RBKS: variants seen among roughly 807,000 people sequenced by gnomAD.
RBKS encodes ribokinase.
A neutral mutation model predicts 33.9 loss-of-function variants in RBKS; 33 were observed. The observed-to-expected ratio is 0.97, with a 90% confidence interval of 0.74 to 1.30. The LOEUF (loss-of-function observed/expected upper bound fraction) is 1.30. Among genes scored for constraint, RBKS ranks in the 50% most tolerant of loss-of-function variants. The probability of loss-of-function intolerance (pLI) is 0.00; values close to 1 mark genes in which losing one functional copy is unlikely to be tolerated. For missense variants in RBKS, 361 were observed against 392.6 expected, an observed-to-expected ratio of 0.92 and a Z score of 0.68; for synonymous variants, 125 against 143.0, an observed-to-expected ratio of 0.87 and a Z score of 0.90.
chr2:27,816,234 G>A (rs1184548718), intron 7 of RBKS, among the ~76,000 whole-genome samples: 2 of 152,218 alleles, frequency 1.3e-5, no homozygotes, highest in Non-Finnish European at 2.9e-5. Context: ...TTAAAATATT[G>A]AATTCTGCCT....
At chr2:27,884,338 C>G (rs1211094811) in intron 1 of RBKS, among the ~76,000 whole-genome samples, 3 of 152,172 alleles carry the variant, frequency 2.0e-5, no homozygotes, top group Non-Finnish European at 4.4e-5. Context: ...GCCTCAACCT[C>G]TGGGTCTCCA....
At chr2:27,801,981 TA>T (rs1677801293) in intron 7 of RBKS, among the ~76,000 whole-genome samples, 5 of 99,946 alleles carry the variant, frequency 5.0e-5, no homozygotes, top group African/African-American at 1.7e-4. Context: ...TATATATATA[TA>T]TATATATATA....
At chr2:27,786,061 G>A (rs1677392447) in intron 7 of RBKS, among the ~76,000 whole-genome samples, 1 of 152,158 alleles carries the variant, frequency 6.6e-6, no homozygotes, top group South Asian at 2.1e-4. Context: ...GTGAAAAAAT[G>A]AGGTTTCAGC....
chr2:27,871,092 A>T (rs1229701863), intron 1 of RBKS, among the ~76,000 whole-genome samples: 1 of 152,174 alleles, frequency 6.6e-6, no homozygotes, highest in African/African-American at 2.4e-5. Context: ...AAGATCTCCT[A>T]AAAGTTCAAG....
intron 5 of RBKS, among the ~76,000 whole-genome samples, chr2:27,838,476 T>C (rs545274695): frequency 6.6e-6 from 1 of 152,304 alleles, no homozygotes; most frequent in African/African-American, 2.4e-5. Flanking sequence ...AAATACTGTA[T>C]AAAAATCAAC....
rs1259812151 is a variant in RBKS, at chr2:27,890,116, G to T, written c.89+141C>A. ...TTCATGCCAGGAAGGTAGGCTGAAG[G>T]CTTCGAAAACCTGCAGCTCATACCC... On this transcript the variant is annotated intron_variant, in intron 1 of 7. Coordinates refer to ENST00000302188, the MANE Select transcript of RBKS (RefSeq NM_022128.3). This position sits in a 1 kb window ranked among gnomAD's most constrained non-coding sequence, Gnocchi z 4.8. 7.5e-6 allele frequency: 5 copies of T among 665,534 alleles called. No homozygotes were observed. The highest frequency in any genetic ancestry group is 1.0e-5 in the Non-Finnish European group (4 of 393,904). The allele number at this position is 665,534 out of a possible 1,614,324, so 41.2% of individuals were successfully genotyped here.
At chr2:27,830,227 C>T (rs930267286) in intron 6 of RBKS, among the ~76,000 whole-genome samples, 2 of 151,916 alleles carry the variant, frequency 1.3e-5, no homozygotes, top group Admixed American at 6.6e-5. Context: ...CATGAATTTA[C>T]ATTATTGCTG....
chr2:27,794,687 G>A (rs1677610744), intron 7 of RBKS, among the ~76,000 whole-genome samples: 1 of 148,682 alleles, frequency 6.7e-6, no homozygotes, highest in Non-Finnish European at 1.5e-5. Context: ...GCAATAGCAC[G>A]ATCTCGGCTC....
chr2:27,825,081 G>C (rs1161632982), intron 7 of RBKS, among the ~76,000 whole-genome samples: 1 of 151,696 alleles, frequency 6.6e-6, no homozygotes, highest in Non-Finnish European at 1.5e-5. Context: ...AGGTTGCAGT[G>C]AGCCAAGATG....
intron 2 of RBKS, among the ~76,000 whole-genome samples, chr2:27,854,760 T>G (rs1170906799): frequency 6.6e-6 from 1 of 151,918 alleles, no homozygotes; most frequent in South Asian, 2.1e-4. Context: ...CTTTTTTTTT[T>G]TTTTTAATAT....
chr2:27,827,011 T>G (rs1216610216), intron 7 of RBKS, among the ~76,000 whole-genome samples: 2 of 152,146 alleles, frequency 1.3e-5, no homozygotes, highest in African/African-American at 4.8e-5. Context: ...AAAAAAAGAT[T>G]AAATGAGATG....
At chr2:27,874,842 G>T (rs1664281405) in intron 1 of RBKS, among the ~76,000 whole-genome samples, 1 of 152,188 alleles carries the variant, frequency 6.6e-6, no homozygotes, top group Non-Finnish European at 1.5e-5. Context: ...AACCAGGGTT[G>T]AGAATCTCTC....
chr2:27,823,797 C>G (rs979078235), intron 7 of RBKS, among the ~76,000 whole-genome samples: 1 of 152,168 alleles, frequency 6.6e-6, no homozygotes, highest in Non-Finnish European at 1.5e-5. Flanking sequence ...AGTCCATTCA[C>G]GCATATTCAG....
At chr2:27,835,426 C>A (rs1224872791) in intron 5 of RBKS, among the ~76,000 whole-genome samples, 1 of 124,534 alleles carries the variant, frequency 8.0e-6, no homozygotes, top group Non-Finnish European at 1.7e-5. Context: ...TACCCACCCA[C>A]CCCACCCCCC....
intron 7 of RBKS, among the ~76,000 whole-genome samples, chr2:27,817,668 A>C (rs1469623802): frequency 6.6e-6 from 1 of 152,202 alleles, no homozygotes; most frequent in Non-Finnish European, 1.5e-5. Context: ...CTGAGGCTGC[A>C]GTATACTGTA....
intron 7 of RBKS, among the ~76,000 whole-genome samples, chr2:27,792,233 T>C (rs1335119404): frequency 6.6e-6 from 1 of 152,250 alleles, no homozygotes; most frequent in African/African-American, 2.4e-5. Context: ...ATTTCTTTCT[T>C]CTGGCAGCGT....
At chr2:27,805,271 G>A (rs1283321423) in intron 7 of RBKS, among the ~76,000 whole-genome samples, 1 of 152,166 alleles carries the variant, frequency 6.6e-6, no homozygotes, top group Admixed American at 6.5e-5. Flanking sequence ...TAACTGGTTT[G>A]GTCTGTAAAT....
intron 7 of RBKS, among the ~76,000 whole-genome samples, chr2:27,798,710 C>T (rs1238373468): frequency 6.6e-6 from 1 of 152,178 alleles, no homozygotes; most frequent in East Asian, 1.9e-4. Flanking sequence ...GTTCCCTAAA[C>T]CACTTTTCCA....
chr2:27,889,520 C>G (rs988220825), intron 1 of RBKS, among the ~76,000 whole-genome samples: 2 of 152,072 alleles, frequency 1.3e-5, no homozygotes, highest in African/African-American at 4.8e-5. Flanking sequence ...ATCAGAAAAG[C>G]TACCTTAATT....
Sources: gnomAD v4.1 joint callset for allele counts (sites outside exome capture counted in the v4.1 genomes callset) on GRCh38, gnomAD v4.1.1 for gene constraint, Gnocchi (gnomAD v3.1) non-coding constraint, MANE v1.5 for transcripts, NCBI Gene and HGNC (gene_info 2026-07-23, HGNC 2026-07-21) for gene names.